The following FOCAD variants were observed in gnomAD, a reference collection of about 807,000 sequenced individuals.
FOCAD encodes focadhesin.
In FOCAD, 198 loss-of-function variants were observed where a neutral mutation model predicts 225.6. That is an observed-to-expected ratio of 0.88 (90% CI 0.78 to 0.99). The LOEUF (loss-of-function observed/expected upper bound fraction) is 0.99, where lower values mean the gene tolerates loss of function less well. Ranked by LOEUF, FOCAD falls within the 50% of genes least tolerant of loss-of-function variation. The pLI is 0.00. For missense variants in FOCAD, 2,713 were observed against 2,123.6 expected (o/e 1.28, Z -5.46); for synonymous variants, 897 against 755.0 (o/e 1.19, Z -3.08).
intron 10 of FOCAD, among the ~76,000 whole-genome samples, chr9:20,783,850 T>A (rs1819646379): frequency 6.6e-6 from 1 of 152,018 alleles, no homozygotes; most frequent in Admixed American, 6.6e-5. Flanking sequence ...AGTATATGAG[T>A]CAGATTCCAG....
intron 8 of FOCAD, among the ~76,000 whole-genome samples, chr9:20,777,300 G>A (rs1383805051): frequency 8.8e-6 from 1 of 113,374 alleles, no homozygotes; most frequent in Non-Finnish European, 1.8e-5. Flanking sequence ...TTTTTTTCCT[G>A]TGGGTTTTTT....
At chr9:20,811,655 A>G (rs1823089932) in intron 11 of FOCAD, among the ~76,000 whole-genome samples, 1 of 152,082 alleles carries the variant, frequency 6.6e-6, no homozygotes, top group African/African-American at 2.4e-5. Context: ...GATGTTGCTT[A>G]CATGCCTGCA....
At chr9:20,732,451 A>G (rs552955550) in intron 4 of FOCAD, among the ~76,000 whole-genome samples, 1 of 152,302 alleles carries the variant, frequency 6.6e-6, no homozygotes, top group African/African-American at 2.4e-5. Context: ...GGCTGTTAAG[A>G]TGGCCTGAAA....
intron 1 of FOCAD, among the ~76,000 whole-genome samples, chr9:20,712,462 C>G (rs1184398062): frequency 6.6e-6 from 1 of 152,046 alleles, no homozygotes; most frequent in Admixed American, 6.6e-5. Flanking sequence ...GAGTTCGAGA[C>G]TAGCCTGGCC....
At chr9:20,977,317 TA>T (rs1840308869) in intron 36 of FOCAD, among the ~76,000 whole-genome samples, 1 of 152,204 alleles carries the variant, frequency 6.6e-6, no homozygotes, top group African/African-American at 2.4e-5. Context: ...CTTTGTCATA[TA>T]AGGTAGTGTA....
chr9:20,833,644 T>C (rs773176137), intron 15 of FOCAD, among the ~76,000 whole-genome samples: 3 of 152,058 alleles, frequency 2.0e-5, no homozygotes, highest in African/African-American at 7.2e-5. Flanking sequence ...CAAGTAGTCC[T>C]TCGAAGTGTG....
At position 20,923,774 on chromosome 9, in the gene FOCAD, T is replaced by G. The variant is rs1415138444; in HGVS notation, c.2961+6T>G. 1.9e-6 allele frequency: 3 copies of G among 1,605,248 alleles called. No individual in the cohort carries two copies. Among genetic ancestry groups the G allele is most frequent in the South Asian group, 1.1e-5 (1 of 90,620 alleles). ...ACTCTGACGGGCTCCTGGAGGTTAG[T>G]TGGGGTGATTTAAACAATTGGCTTT... On this transcript the variant is annotated splice_donor_region_variant and intron_variant, in intron 25 of 43. Coordinates refer to ENST00000338382, the MANE Select transcript of FOCAD (RefSeq NM_001375567.1).
chr9:20,758,604 G>T (rs1427401336), intron 6 of FOCAD, among the ~76,000 whole-genome samples: 1 of 147,998 alleles, frequency 6.8e-6, no homozygotes, highest in Non-Finnish European at 1.5e-5. Flanking sequence ...CTATAAGTGA[G>T]ACTATGCGGT....
At chr9:20,816,525 T>C (rs1404807421) in intron 11 of FOCAD, among the ~76,000 whole-genome samples, 1 of 152,132 alleles carries the variant, frequency 6.6e-6, no homozygotes, top group African/African-American at 2.4e-5. Context: ...AGCTATTACA[T>C]GCACAGCTCC....
At position 20,989,435 on chromosome 9, in the gene FOCAD, C is replaced by CT. The variant is rs565514098; in HGVS notation, c.5005-687dup. 7.6e-4 allele frequency among the ~76,000 whole-genome samples: 116 copies of CT among 152,260 alleles called. 1 individual carries two copies. Among genetic ancestry groups the CT allele is most frequent in the Middle Eastern group, 6.8e-3 (2 of 294 alleles). ...TGTAGTTTAAATCACAGTAATCCAA[C>CT]TACTCAGAGGTGGCTCCTATAATCA... is the stretch of plus-strand genomic sequence containing the variant. On this transcript the variant is annotated intron_variant, in intron 41 of 43. Coordinates refer to ENST00000338382, the MANE Select transcript of FOCAD (RefSeq NM_001375567.1).
intron 1 of FOCAD, among the ~76,000 whole-genome samples, chr9:20,714,553 T>G (rs975942735): frequency 6.6e-6 from 1 of 152,022 alleles, no homozygotes; most frequent in African/African-American, 2.4e-5. Context: ...AATCCTCTTA[T>G]TAGTTCCATG....
chr9:20,660,165 A>G (rs993082474), intron 2 of FOCAD, among the ~76,000 whole-genome samples: 2 of 152,234 alleles, frequency 1.3e-5, no homozygotes, highest in African/African-American at 2.4e-5. Context: ...GAGAGGCTAC[A>G]GACAATAACT....
At chr9:20,833,071 A>G (rs1825668867) in intron 15 of FOCAD, among the ~76,000 whole-genome samples, 1 of 152,022 alleles carries the variant, frequency 6.6e-6, no homozygotes, top group Non-Finnish European at 1.5e-5. Flanking sequence ...TAGTTTCTTT[A>G]AGAACCTCTA....
intron 9 of FOCAD, among the ~76,000 whole-genome samples, chr9:20,779,439 T>C (rs545389310): frequency 6.6e-6 from 1 of 152,306 alleles, no homozygotes; most frequent in Admixed American, 6.5e-5. Context: ...TATGCTGCTG[T>C]TCTTAGTTTT....
Position 20,862,625 on chromosome 9 carries a change from T to C in FOCAD, c.1968T>C (p.Ser656=), listed in dbSNP as rs747354742. The C allele has an allele frequency of 2.0e-5, 33 of 1,613,544 alleles. No individual in the cohort carries two copies. The South Asian group carries it at 2.7e-4, about 13-fold the overall frequency. ...GGAATGCTCTCTCTCCAAAGCTGAG[T>C]TGTGACACAAGACCTCTCATTCTGA... ...STWNALSPKL[S]CDTRPLILKT... Residue 656 remains serine (S), a synonymous_variant, in exon 16 of 44, where the codon AGT becomes AGC. Coordinates refer to ENST00000338382, the MANE Select transcript of FOCAD (RefSeq NM_001375567.1).
intron 10 of FOCAD, 102 bp from the exon 11 acceptor site, chr9:20,789,249 A>T: frequency 7.8e-7 from 1 of 1,286,472 alleles, no homozygotes; most frequent in South Asian, 1.4e-5. Flanking sequence ...ATTTTGTTGG[A>T]AGGAGTGATA....
At chr9:20,938,845 CTCAG>C (rs890623607) in intron 28 of FOCAD, among the ~76,000 whole-genome samples, 7 of 151,758 alleles carry the variant, frequency 4.6e-5, no homozygotes, top group African/African-American at 1.7e-4. Context: ...AAATATTTTT[CTCAG>C]TCATTTTGCT....
In FOCAD at chr9:20,956,127, G is replaced by A. The variant is rs117443269; in HGVS notation, c.4132+3062G>A. On this transcript the variant is annotated intron_variant, in intron 35 of 43. Transcript: ENST00000338382. Reference sequence around the variant, plus strand: ...ATCTGCGTGTGTAAGTATTGGGCTTGGATACGAAGTACAGGTAGGCATATG... The same window carrying A: ...ATCTGCGTGTGTAAGTATTGGGCTTAGATACGAAGTACAGGTAGGCATATG... 3.3e-3 allele frequency among the ~76,000 whole-genome samples: 496 copies of A among 152,212 alleles called. 3 individuals are homozygous for A. The highest frequency in any genetic ancestry group is 5.7e-3 in the Non-Finnish European group (389 of 68,002).
intron 21 of FOCAD, among the ~76,000 whole-genome samples, chr9:20,899,388 C>T (rs906549172): frequency 1.3e-5 from 2 of 151,892 alleles, no homozygotes; most frequent in Admixed American, 6.6e-5. Flanking sequence ...TGCCCCAGCC[C>T]TAGTTACTGT....
Sources: allele counts gnomAD v4.1 joint callset (sites outside exome capture counted in the v4.1 genomes callset), GRCh38; gene constraint gnomAD v4.1.1; transcripts MANE v1.5; gene names NCBI Gene and HGNC (gene_info 2026-07-23, HGNC 2026-07-21).